SPOCK1: variants seen among roughly 807,000 people sequenced by gnomAD.
The protein encoded by SPOCK1 is testican-1.
Under a neutral mutation model 55.3 loss-of-function variants are expected in SPOCK1, and 23 were observed. The observed-to-expected ratio is 0.42, with a 90% CI of 0.30 to 0.59. The LOEUF (loss-of-function observed/expected upper bound fraction) is 0.59. Among genes scored for constraint, SPOCK1 ranks in the 20% least tolerant of loss-of-function variants. The probability of loss-of-function intolerance (pLI) is 0.22; values close to 1 mark genes in which losing one functional copy is unlikely to be tolerated. For missense variants in SPOCK1, 499 were observed against 552.5 expected, an observed-to-expected ratio of 0.90 and a Z score of 0.97; for synonymous variants, 226 against 221.0, an observed-to-expected ratio of 1.02 and a Z score of -0.20.
chr5:137,108,653 ATCT>A (rs199952778), intron 5 of SPOCK1, among the ~76,000 whole-genome samples: 126 of 152,320 alleles, frequency 8.3e-4, no homozygotes, highest in East Asian at 6.6e-3. Flanking sequence ...GGCTTTAGAC[ATCT>A]TCTTCTGCCC....
At chr5:137,453,272 A>G (rs993310745) in intron 2 of SPOCK1, among the ~76,000 whole-genome samples, 4 of 152,200 alleles carry the variant, frequency 2.6e-5, no homozygotes, top group African/African-American at 9.6e-5. Context: ...TGATTCCACT[A>G]AAAAGCAGTG....
chr5:137,114,278 G>A (rs910360487), intron 4 of SPOCK1, among the ~76,000 whole-genome samples: 3 of 152,206 alleles, frequency 2.0e-5, no homozygotes, highest in African/African-American at 7.2e-5. Flanking sequence ...ATGAGAGCCA[G>A]AGTCTTACCT....
intron 2 of SPOCK1, among the ~76,000 whole-genome samples, chr5:137,304,065 GT>G (rs59137765): frequency 0.047 from 3,249 of 68,704 alleles, 131 homozygotes; most frequent in East Asian, 0.31. Flanking sequence ...AATGCAATGG[GT>G]TTTTTTTTTT....
intron 2 of SPOCK1, among the ~76,000 whole-genome samples, chr5:137,465,301 T>C (rs1753596967): frequency 6.6e-6 from 1 of 152,076 alleles, no homozygotes; most frequent in Non-Finnish European, 1.5e-5. Flanking sequence ...AACTCTAACA[T>C]CAGAAAGCTG....
intron 6 of SPOCK1, among the ~76,000 whole-genome samples, chr5:137,036,142 A>G (rs1434135780): frequency 1.3e-5 from 2 of 152,230 alleles, no homozygotes; most frequent in Non-Finnish European, 2.9e-5. Flanking sequence ...AGGGTAGTGC[A>G]TCTGTTTTCT....
At chr5:137,189,572 C>T (rs1310055895) in intron 3 of SPOCK1, among the ~76,000 whole-genome samples, 2 of 152,202 alleles carry the variant, frequency 1.3e-5, no homozygotes, top group Non-Finnish European at 2.9e-5. Context: ...TGAAATAATA[C>T]TGCTCATTCA....
chr5:137,435,579 T>C (rs917797493), intron 2 of SPOCK1, among the ~76,000 whole-genome samples: 4 of 152,190 alleles, frequency 2.6e-5, no homozygotes, highest in Non-Finnish European at 5.9e-5. Flanking sequence ...GAAAACATGA[T>C]TTTCTTAAGG....
intron 2 of SPOCK1, among the ~76,000 whole-genome samples, chr5:137,419,586 G>A (rs1282273046): frequency 6.6e-6 from 1 of 152,190 alleles, no homozygotes; most frequent in African/African-American, 2.4e-5. Context: ...GTTCACTCAT[G>A]ATTTGGCTCT....
chr5:137,040,570 A>G (rs1751977204), intron 6 of SPOCK1, among the ~76,000 whole-genome samples: 1 of 152,230 alleles, frequency 6.6e-6, no homozygotes. Flanking sequence ...AGAAGTGACC[A>G]GAGAAGTTTC....
chr5:137,104,282 A>G (rs1419481450), intron 5 of SPOCK1, among the ~76,000 whole-genome samples: 3 of 152,290 alleles, frequency 2.0e-5, no homozygotes, highest in African/African-American at 7.2e-5. Flanking sequence ...CCTGCCATGT[A>G]AGATGGGCCT....
intron 4 of SPOCK1, among the ~76,000 whole-genome samples, chr5:137,140,338 C>T (rs1754070462): frequency 6.6e-6 from 1 of 152,192 alleles, no homozygotes; most frequent in Non-Finnish European, 1.5e-5. Flanking sequence ...CTGTTCAGAT[C>T]AGGACTCAGA....
intron 2 of SPOCK1, among the ~76,000 whole-genome samples, chr5:137,414,418 T>C (rs1752286099): frequency 6.6e-6 from 1 of 152,236 alleles, no homozygotes; most frequent in Admixed American, 6.5e-5. Context: ...TGTTAATTTA[T>C]GTGCTGGGTA....
At chr5:137,240,080 CA>C (rs1203815616) in intron 3 of SPOCK1, among the ~76,000 whole-genome samples, 1 of 151,860 alleles carries the variant, frequency 6.6e-6, no homozygotes, top group Admixed American at 6.6e-5. Flanking sequence ...AATAAAATAC[CA>C]AGGAATTGAC....
At chr5:137,136,243 T>G (rs1280863772) in intron 4 of SPOCK1, among the ~76,000 whole-genome samples, 1 of 152,184 alleles carries the variant, frequency 6.6e-6, no homozygotes, top group African/African-American at 2.4e-5. Flanking sequence ...CTCTTATATT[T>G]AGGTCTACGA....
chr5:137,369,063 T>A (rs1403942416), intron 2 of SPOCK1, among the ~76,000 whole-genome samples: 18 of 152,194 alleles, frequency 1.2e-4, no homozygotes, highest in Admixed American at 1.2e-3. Flanking sequence ...AGGTTTGGAC[T>A]CCTACCATGG....
intron 3 of SPOCK1, among the ~76,000 whole-genome samples, chr5:137,166,928 G>A (rs556522663): frequency 1.3e-5 from 2 of 151,908 alleles, no homozygotes; most frequent in Non-Finnish European, 1.5e-5. Context: ...AAAACAACCA[G>A]GAGGCAAATA....
At chr5:137,319,659 CAT>C (rs1757943839) in intron 2 of SPOCK1, among the ~76,000 whole-genome samples, 1 of 152,196 alleles carries the variant, frequency 6.6e-6, no homozygotes, top group South Asian at 2.1e-4. Context: ...AACAACAACA[CAT>C]GAGGCCGGGC....
chr5:137,155,901 C>T (rs974255462), intron 3 of SPOCK1, among the ~76,000 whole-genome samples: 1 of 152,236 alleles, frequency 6.6e-6, no homozygotes, highest in African/African-American at 2.4e-5. Context: ...TTGCTCCCTC[C>T]TGAAAAGTTT....
chr5:137,077,994 GA>G (rs1446246632), intron 5 of SPOCK1, among the ~76,000 whole-genome samples: 1 of 152,082 alleles, frequency 6.6e-6, no homozygotes, highest in Admixed American at 6.5e-5. Context: ...ACACAAATAA[GA>G]ATGAAAGAAG....
Sources: allele counts gnomAD v4.1 joint callset (sites outside exome capture counted in the v4.1 genomes callset), GRCh38; gene constraint gnomAD v4.1.1; transcripts MANE v1.5; gene names NCBI Gene and HGNC (gene_info 2026-07-23, HGNC 2026-07-21).